SERAC1: variants seen among roughly 807,000 people sequenced by gnomAD.
SERAC1 encodes the protein protein SERAC1.
Under a neutral mutation model 85.7 loss-of-function variants are expected in SERAC1, and 36 were observed. The ratio of observed to expected loss-of-function variants is 0.42; its 90% CI spans 0.32 to 0.55. The LOEUF (loss-of-function observed/expected upper bound fraction) is 0.55. Ranked by LOEUF, SERAC1 falls within the 20% of genes least tolerant of loss-of-function variation. The pLI, the probability that SERAC1 is intolerant of heterozygous loss-of-function variation, is 0.11. For missense variants in SERAC1, 629 were observed against 796.2 expected (o/e 0.79, Z 2.53); for synonymous variants, 242 against 265.3 (o/e 0.91, Z 0.85).
At chr6:158,161,700 G>A (rs1785491875) in intron 1 of SERAC1, 2 of 151,470 alleles carry the variant, frequency 1.3e-5, no homozygotes, top group Non-Finnish European at 2.9e-5. Flanking sequence ...CCCCTCTCTG[G>A]GATAGCTAAC....
chr6:158,157,073 T>C (rs907246509), intron 2 of SERAC1, among the ~76,000 whole-genome samples: 1 of 150,888 alleles, frequency 6.6e-6, no homozygotes, highest in African/African-American at 2.4e-5. Context: ...CTCAGCTCAC[T>C]GCAATCTCCA....
chr6:158,113,272 T>C (rs1784190029), intron 16 of SERAC1, 177 bp downstream of exon 16: 1 of 565,180 alleles, frequency 1.8e-6, no homozygotes, highest in South Asian at 2.7e-5. Context: ...AATACCCGGG[T>C]TATATGTTTA....
At chr6:158,130,934 G>A (rs1410869264) in intron 8 of SERAC1, among the ~76,000 whole-genome samples, 1 of 152,132 alleles carries the variant, frequency 6.6e-6, no homozygotes, top group Admixed American at 6.5e-5. Flanking sequence ...GAAAGAACAC[G>A]ATGACAATGA....
In SERAC1 at chr6:158,120,542, G is replaced by T. The variant is rs997768982; in HGVS notation, c.1049C>A (p.Ser350Tyr). The T allele has an allele frequency of 6.8e-6, 11 of 1,613,966 alleles. No individual in the cohort carries two copies. Among genetic ancestry groups the T allele is most frequent in the Non-Finnish European group, 9.3e-6 (11 of 1,179,930 alleles). Reference protein sequence around the residue: ...WVSIMAEAMKSPHIMESSHAA... With the variant: ...WVSIMAEAMKYPHIMESSHAA... ...GTGTGAGGACTCCATAATGTGGGGA[G>T]ATTTCATTGCTTCTGCCATGATGGA... The change falls in exon 11 of 17, where the codon TCT becomes TAT. Residue 350 changes from serine to tyrosine, a missense_variant. Ser to Tyr is a moderately radical substitution (Grantham distance 144). Coordinates refer to ENST00000647468, the MANE Select transcript of SERAC1 (RefSeq NM_032861.4). This position sits in a 1 kb window ranked among gnomAD's most constrained non-coding sequence, Gnocchi z 4.4.
chr6:158,149,531 C>T (rs1319551196), intron 4 of SERAC1, among the ~76,000 whole-genome samples: 1 of 152,110 alleles, frequency 6.6e-6, no homozygotes, highest in East Asian at 1.9e-4. Context: ...TAATGAAAAT[C>T]CTCATATACA....
At chr6:158,148,757 T>C in intron 5 of SERAC1, 108 bp downstream of exon 5, 1 of 802,776 alleles carries the variant, frequency 1.2e-6, no homozygotes, top group Admixed American at 3.1e-5. Context: ...TAATTTTCCA[T>C]AGCTATAAAA....
intron 1 of SERAC1, among the ~76,000 whole-genome samples, chr6:158,163,494 C>T (rs1409912789): frequency 6.6e-6 from 1 of 152,144 alleles, no homozygotes; most frequent in African/African-American, 2.4e-5. Context: ...GACCACAAAT[C>T]AACTGACTAT....
chr6:158,111,889 CAT>C (rs1265810651), intron 16 of SERAC1: 1 of 159,368 alleles, frequency 6.3e-6, no homozygotes, highest in African/African-American at 2.4e-5. Flanking sequence ...GAATGTCTCA[CAT>C]GGGATCCATT....
At chr6:158,159,196 GA>G (rs1411887068) in intron 1 of SERAC1, 5 of 152,132 alleles carry the variant, frequency 3.3e-5, no homozygotes, top group African/African-American at 1.2e-4. Flanking sequence ...TAATGCCTAA[GA>G]TGAGCATTTC....
chr6:158,116,442 C>T, intron 13 of SERAC1, 160 bp from the exon 14 acceptor site: 5 of 597,516 alleles, frequency 8.4e-6, no homozygotes, highest in Admixed American at 2.7e-5. Context: ...ATAAAATACC[C>T]CTATTCTCTC....
Position 158,148,982 on chromosome 6 carries a change from C to A in SERAC1, c.266-28G>T, listed in dbSNP as rs750903671. On this transcript the variant is annotated intron_variant, in intron 4 of 16. Transcript: ENST00000647468. ...AAAATGATTATAAAATTAAGTAAAA[C>A]CAAGAATGTATTTTTTTTTTCTTTT... is the stretch of plus-strand genomic sequence containing the variant. 3 of 1,522,360 alleles carry A rather than the reference C, an allele frequency of 2.0e-6. No homozygotes were observed. The African/African-American group carries it at 4.3e-5, about 22-fold the overall frequency. The allele number at this position is 1,522,360 out of a possible 1,614,324, so 94.3% of individuals were successfully genotyped here.
At chr6:158,145,989 T>C (rs1027801966) in intron 6 of SERAC1, 3 of 152,186 alleles carry the variant, frequency 2.0e-5, no homozygotes, top group Non-Finnish European at 4.4e-5. Context: ...AAATAGTCCA[T>C]TAAAAATGAT....
At chr6:158,128,322 G>A (rs761907481) in intron 9 of SERAC1, 52 bp from the exon 10 acceptor site, 59 of 1,579,402 alleles carry the variant, frequency 3.7e-5, no homozygotes, top group East Asian at 6.7e-5. Context: ...AATTCATGAC[G>A]TGAGATGACA....
chr6:158,122,431 A>G (rs1380815513), intron 10 of SERAC1, among the ~76,000 whole-genome samples: 2 of 152,250 alleles, frequency 1.3e-5, no homozygotes, highest in African/African-American at 4.8e-5. Flanking sequence ...GAGTAATGAA[A>G]GGTAGAAGTT....
chr6:158,162,558 C>T (rs1311553103), intron 1 of SERAC1, among the ~76,000 whole-genome samples: 2 of 152,160 alleles, frequency 1.3e-5, no homozygotes, highest in Non-Finnish European at 2.9e-5. Context: ...GACCCCCATT[C>T]AACTTTTACC....
chr6:158,116,457 T>C lies in SERAC1; in HGVS notation c.1404-175A>G, dbSNP rs114701992. ...ATAAAATACCCCTATTCTCTCTTAT[T>C]GAACTCCTGGCCCCAAGGAATCCTC... On this transcript the variant is annotated intron_variant, in intron 13 of 16. Coordinates refer to ENST00000647468, the MANE Select transcript of SERAC1 (RefSeq NM_032861.4). 2.0e-3 allele frequency: 1,114 copies of C among 564,398 alleles called. 10 individuals carry two copies. The highest frequency in any genetic ancestry group is 0.019 in the African/African-American group (989 of 53,192). 35.0% of individuals were successfully genotyped at this position (564,398 alleles called of 1,614,324 possible).
chr6:158,162,420 C>T (rs951092539), intron 1 of SERAC1, among the ~76,000 whole-genome samples: 49 of 152,124 alleles, frequency 3.2e-4, no homozygotes, highest in Non-Finnish European at 6.0e-4. Flanking sequence ...GATGTTCTTA[C>T]AATTCTCTAC....
intron 8 of SERAC1, among the ~76,000 whole-genome samples, chr6:158,133,378 A>ATTT (rs767768720): frequency 5.1e-4 from 34 of 66,392 alleles, no homozygotes; most frequent in African/African-American, 9.0e-4. Context: ...TCTGGTGTTA[A>ATTT]TTTTTTTTTT....
chr6:158,126,970 T>C (rs975895541), intron 10 of SERAC1, among the ~76,000 whole-genome samples: 2 of 151,866 alleles, frequency 1.3e-5, no homozygotes, highest in East Asian at 3.9e-4. Flanking sequence ...GGAGGATCCA[T>C]TGAGCCTAGG....
Sources: allele counts gnomAD v4.1 joint callset (sites outside exome capture counted in the v4.1 genomes callset), GRCh38; gene constraint gnomAD v4.1.1; non-coding constraint Gnocchi (gnomAD v3.1); transcripts MANE v1.5; gene names NCBI Gene and HGNC (gene_info 2026-07-23, HGNC 2026-07-21).